The following GNAT3 variants were observed in gnomAD, a reference collection of about 807,000 sequenced individuals.
The protein encoded by GNAT3 is guanine nucleotide-binding protein G(t) subunit alpha-3.
GNAT3 carries 31 observed loss-of-function variants against 37.7 expected under a neutral mutation model. The ratio of observed to expected loss-of-function variants is 0.82; its 90% CI spans 0.62 to 1.11. The LOEUF is 1.11. GNAT3 is among the 50% of genes most tolerant of loss of function. The pLI, the probability that GNAT3 is intolerant of heterozygous loss-of-function variation, is 0.00. For missense variants in GNAT3, 437 were observed against 412.5 expected, an observed-to-expected ratio of 1.06 and a Z score of -0.51; for synonymous variants, 138 against 139.8, an observed-to-expected ratio of 0.99 and a Z score of 0.09.
At chr7:80,479,041 A>AG (rs1251155104) in intron 3 of GNAT3, 43 bp from the exon 4 acceptor site, 1 of 1,356,318 alleles carries the variant, frequency 7.4e-7, no homozygotes, top group South Asian at 1.4e-5. Context: ...ATTATTTGGA[A>AG]TCACATATTC....
chr7:80,467,569 A>G (rs1180110798), intron 5 of GNAT3, among the ~76,000 whole-genome samples: 3 of 152,054 alleles, frequency 2.0e-5, no homozygotes, highest in Non-Finnish European at 4.4e-5. Context: ...CCAAATTTTA[A>G]TTTAGTCCTT....
intron 5 of GNAT3, among the ~76,000 whole-genome samples, chr7:80,470,987 C>A (rs951761162): frequency 2.3e-4 from 35 of 150,468 alleles, no homozygotes; most frequent in African/African-American, 7.8e-4. Context: ...GCAGACCCAC[C>A]CTTAATCTGG....
At chr7:80,475,781 T>C (rs1790292759) in intron 4 of GNAT3, among the ~76,000 whole-genome samples, 1 of 152,106 alleles carries the variant, frequency 6.6e-6, no homozygotes, top group Admixed American at 6.6e-5. Flanking sequence ...CTGAAACAAA[T>C]TAAGGTTGGA....
intron 4 of GNAT3, among the ~76,000 whole-genome samples, chr7:80,476,428 A>T (rs1790302604): frequency 6.9e-6 from 1 of 145,626 alleles, no homozygotes; most frequent in Non-Finnish European, 1.5e-5. Flanking sequence ...TGGAATTTTA[A>T]AGGCACACTA....
Position 80,511,812 on chromosome 7 carries a change from A to C in GNAT3, c.115T>G (p.Leu39Val), listed in dbSNP as rs1441299081. The C allele has an allele frequency of 6.3e-7, 1 of 1,596,522 alleles. No individual in the cohort carries two copies. The highest frequency in any genetic ancestry group is 1.1e-5 in the South Asian group (1 of 89,912). The part of the protein sequence containing the change: ...RDARTVKLLL[L>V]GAGESGKSTI... ...AGCAAAAGGGAAAAGAAATTACCTA[A>C]TAGTAGCAGCTTTACGGTTCTTGCA... Residue 39 changes from leucine to valine, a missense_variant, in exon 1 of 8, where the codon TTA becomes GTA. Transcript: ENST00000398291.
chr7:80,512,032 C>G lies in GNAT3; in HGVS notation c.-106G>C, dbSNP rs1791076938. 1.4e-6 allele frequency: 1 copy of G among 704,434 alleles called. No individual in the cohort carries two copies. Among genetic ancestry groups the G allele is most frequent in the African/African-American group, 1.8e-5 (1 of 56,620 alleles). The allele number at this position is 704,434 out of a possible 1,614,324, so 43.6% of individuals were successfully genotyped here. A position where few individuals can be genotyped will look rare whatever the true frequency, so the allele number is the denominator to read the frequency against. On this transcript the variant is annotated 5_prime_UTR_variant, in exon 1 of 8. It removes the in-frame stop codon of an upstream open reading frame in the 5' UTR. Transcript: ENST00000398291. ...CAAGAGTAATGCTCTGCTGAAGTAC[C>G]TAGCAGTCCATTCCCTAATGCTCTA...
rs748334448 is a variant in GNAT3, at chr7:80,478,996, C to G, written c.306G>C (p.Glu102Asp). ...CCATTGCATAAAGTTGTCGTTGGTCCTCCTAGAACAATATTTTGGTGAGAA... is the reference window on the plus strand; with the variant it reads ...CCATTGCATAAAGTTGTCGTTGGTCGTCCTAGAACAATATTTTGGTGAGAA... ...GIDYVNPRSAEDQRQLYAMAN... is the reference protein window; with the variant it reads ...GIDYVNPRSADDQRQLYAMAN... Residue 102 changes from glutamate (E) to aspartate (D), a missense_variant and splice_region_variant, in exon 4 of 8, where the codon GAG becomes GAC. Glu to Asp is a conservative substitution (Grantham distance 45, BLOSUM62 2). Coordinates refer to ENST00000398291, the MANE Select transcript of GNAT3 (RefSeq NM_001102386.3). 6.3e-7 allele frequency: 1 copy of G among 1,589,684 alleles called. No homozygotes were observed. The highest frequency in any genetic ancestry group is 1.1e-5 in the South Asian group (1 of 87,024).
chr7:80,465,436 G>A (rs912482566), intron 5 of GNAT3, among the ~76,000 whole-genome samples: 1 of 152,110 alleles, frequency 6.6e-6, no homozygotes, highest in Non-Finnish European at 1.5e-5. Context: ...AGGTAGGTAA[G>A]TTTAGCATTC....
intron 1 of GNAT3, among the ~76,000 whole-genome samples, chr7:80,497,543 C>CACATATACGTATATACATATACGTATAT (rs1239893205): frequency 9.4e-6 from 1 of 106,578 alleles, no homozygotes; most frequent in African/African-American, 3.8e-5. Context: ...TATATATATA[C>CACATATACGTATATACATATACGTATAT]ACATATACGT....
intron 3 of GNAT3, among the ~76,000 whole-genome samples, chr7:80,485,628 C>T (rs540753079): frequency 2.0e-4 from 31 of 152,120 alleles, no homozygotes; most frequent in South Asian, 1.7e-3. Flanking sequence ...ACTACATCCC[C>T]GGTGTCCAAC....
intron 5 of GNAT3, among the ~76,000 whole-genome samples, chr7:80,467,807 TTAA>T (rs1454724687): frequency 6.6e-6 from 1 of 152,062 alleles, no homozygotes; most frequent in Non-Finnish European, 1.5e-5. Context: ...TAATAGATTA[TTAA>T]TGAGGGAAAT....
intron 2 of GNAT3, among the ~76,000 whole-genome samples, chr7:80,491,114 C>G (rs1790583450): frequency 6.6e-6 from 1 of 152,084 alleles, no homozygotes; most frequent in Non-Finnish European, 1.5e-5. Context: ...GAGGTAGAAG[C>G]TCCTTAGGAA....
intron 7 of GNAT3, 129 bp from the exon 8 acceptor site, chr7:80,458,990 G>A (rs183906033): frequency 3.0e-5 from 19 of 636,098 alleles, no homozygotes; most frequent in Non-Finnish European, 4.3e-5. Flanking sequence ...TAAAGGCAAC[G>A]GTCAATTATC....
Position 80,492,390 on chromosome 7 carries a change from T to C in GNAT3, c.161+2215A>G, listed in dbSNP as rs10254210. Among the ~76,000 whole-genome samples the C allele has an allele frequency of 3.1e-3, 468 of 151,694 alleles. 4 individuals are homozygous for C. Among genetic ancestry groups the C allele is most frequent in the African/African-American group, 0.011 (452 of 41,466 alleles). ...AAATAAAATAAAATAAAAAATAAAA[T>C]GTTAATGCAATTTTGTAACCTGTTT... On this transcript the variant is annotated intron_variant, in intron 2 of 7. Coordinates refer to ENST00000398291, the MANE Select transcript of GNAT3 (RefSeq NM_001102386.3).
intron 2 of GNAT3, among the ~76,000 whole-genome samples, chr7:80,490,867 T>C (rs1157017659): frequency 6.6e-6 from 1 of 152,122 alleles, no homozygotes; most frequent in Non-Finnish European, 1.5e-5. Context: ...CAGCCTTCTA[T>C]AGTGTGTTAG....
Position 80,512,041 on chromosome 7 carries a change from C to T in GNAT3, c.-115G>A. 1.5e-6 allele frequency: 1 copy of T among 661,424 alleles called. No individual in the cohort carries two copies. The highest frequency in any genetic ancestry group is 1.8e-5 in the African/African-American group (1 of 55,670). 41.0% of individuals were successfully genotyped at this position (661,424 alleles called of 1,614,324 possible). A position where few individuals can be genotyped will look rare whatever the true frequency, so the allele number is the denominator to read the frequency against. ...TGCTCTGCTGAAGTACCTAGCAGTC[C>T]ATTCCCTAATGCTCTAAGATTCTGC... On this transcript the variant is annotated 5_prime_UTR_variant, in exon 1 of 8. It removes an upstream start codon present in the reference 5' UTR. Transcript: ENST00000398291.
rs189873264 is a variant in GNAT3 at position 80,505,514 on chromosome 7, C to T, written c.118+6295G>A. 1.8e-3 allele frequency among the ~76,000 whole-genome samples: 272 copies of T among 152,158 alleles called. 1 individual carries two copies. Among genetic ancestry groups the T allele is most frequent in the Middle Eastern group, 3.4e-3 (1 of 294 alleles). On this transcript the variant is annotated intron_variant, in intron 1 of 7. Transcript: ENST00000398291. ...CCCGAGTAGCTGGGACTACAGGCGC[C>T]CGCCAACACGCCCGGCTAACTTTTT...
chr7:80,476,037 T>C (rs74638175), intron 4 of GNAT3, among the ~76,000 whole-genome samples: 2,293 of 152,138 alleles, frequency 0.015, 55 homozygotes, highest in African/African-American at 0.052. Context: ...AGTCTGCATG[T>C]GTGGTAGGTG....
At chr7:80,496,231 A>G (rs183148322) in intron 1 of GNAT3, among the ~76,000 whole-genome samples, 114 of 152,218 alleles carry the variant, frequency 7.5e-4, no homozygotes, top group Non-Finnish European at 1.4e-3. Context: ...CCTGGGTTCA[A>G]GCGATTCTCC....
Sources: gnomAD v4.1 joint callset for allele counts (sites outside exome capture counted in the v4.1 genomes callset) on GRCh38, gnomAD v4.1.1 for gene constraint, MANE v1.5 for transcripts, NCBI Gene and HGNC (gene_info 2026-07-23, HGNC 2026-07-21) for gene names.